KLHL32: variants seen among roughly 807,000 people sequenced by gnomAD.
The protein encoded by KLHL32 is kelch like family member 32, also known as kelch-like protein 32.
Under a neutral mutation model 64.8 loss-of-function variants are expected in KLHL32, and 35 were observed. The observed-to-expected ratio is 0.54, with a 90% CI of 0.41 to 0.72. The LOEUF is 0.72. Ranked by LOEUF, KLHL32 falls within the 30% of genes least tolerant of loss-of-function variation. The probability of loss-of-function intolerance (pLI) is 0.00; values close to 1 mark genes in which losing one functional copy is unlikely to be tolerated. For synonymous variants in KLHL32, 259 were observed against 281.0 expected, an observed-to-expected ratio of 0.92 and a Z score of 0.78; for missense variants, 589 against 768.5, an observed-to-expected ratio of 0.77 and a Z score of 2.76.
At chr6:97,026,771 T>G (rs906971321) in intron 3 of KLHL32, among the ~76,000 whole-genome samples, 8 of 152,164 alleles carry the variant, frequency 5.3e-5, no homozygotes, top group Non-Finnish European at 1.2e-4. Flanking sequence ...GAGCGATCAT[T>G]AGTTTACATT....
chr6:97,077,487 A>C (rs1791785110), intron 5 of KLHL32, among the ~76,000 whole-genome samples: 1 of 152,148 alleles, frequency 6.6e-6, no homozygotes, highest in African/African-American at 2.4e-5. Flanking sequence ...ATTCTGGGGA[A>C]AGGGGGAAAA....
intron 1 of KLHL32, among the ~76,000 whole-genome samples, chr6:96,960,060 C>G (rs546038219): frequency 6.6e-6 from 1 of 152,198 alleles, no homozygotes; most frequent in East Asian, 1.9e-4. Context: ...ATTCCTTGAC[C>G]TCATTATGCC....
Position 97,139,219 on chromosome 6 carries a change from ATATTTTACATGCCCT to A in KLHL32, c.1801_1815del (p.Tyr601_Pro605del). ...TAGCAGCATGCTTCCTTCCAGCTCCATATTTTACATGCCCTAACCTTCAAACTCTTCAAGTGCCTC... is the reference window on the plus strand; with the variant it reads ...TAGCAGCATGCTTCCTTCCAGCTCCAAACCTTCAAACTCTTCAAGTGCCTC... On this transcript the variant is annotated inframe_deletion, in exon 11 of 11. Coordinates refer to ENST00000369261, the MANE Select transcript of KLHL32 (RefSeq NM_052904.4). 1 of 1,614,074 alleles carries A rather than the reference ATATTTTACATGCCCT, an allele frequency of 6.2e-7. No individual in the cohort carries two copies. The highest frequency in any genetic ancestry group is 8.5e-7 in the Non-Finnish European group (1 of 1,179,962).
At chr6:97,083,484 A>C (rs1366180273) in intron 5 of KLHL32, among the ~76,000 whole-genome samples, 1 of 151,934 alleles carries the variant, frequency 6.6e-6, no homozygotes, top group Non-Finnish European at 1.5e-5. Context: ...ATTTGAGCCG[A>C]GTCTGCCTGC....
chr6:97,042,160 A>G (rs1785222460), intron 4 of KLHL32, among the ~76,000 whole-genome samples: 1 of 152,244 alleles, frequency 6.6e-6, no homozygotes. Flanking sequence ...AAATAAATCA[A>G]TTCAAATACA....
At chr6:97,133,434 C>A (rs1171467896) in intron 10 of KLHL32, among the ~76,000 whole-genome samples, 1 of 152,212 alleles carries the variant, frequency 6.6e-6, no homozygotes, top group Non-Finnish European at 1.5e-5. Context: ...CCTGACCTTT[C>A]TTCCTGACCT....
chr6:97,026,424 C>A (rs1782728690), intron 3 of KLHL32, among the ~76,000 whole-genome samples: 1 of 151,974 alleles, frequency 6.6e-6, no homozygotes, highest in Non-Finnish European at 1.5e-5. Context: ...TCTTCATATT[C>A]ATTGAGCTGA....
intron 3 of KLHL32, among the ~76,000 whole-genome samples, chr6:96,998,155 TG>T (rs1778620562): frequency 6.6e-6 from 1 of 152,216 alleles, no homozygotes; most frequent in Admixed American, 6.5e-5. Context: ...ATTATCCTTT[TG>T]CTTAAAAACT....
intron 5 of KLHL32, among the ~76,000 whole-genome samples, chr6:97,081,781 C>T (rs922989738): frequency 6.6e-6 from 1 of 152,200 alleles, no homozygotes; most frequent in African/African-American, 2.4e-5. Flanking sequence ...ATGGCCTTCT[C>T]TTCCAGTAGA....
chr6:96,938,630 TGCAGCAGCAGCAGCA>T (rs199671024), intron 1 of KLHL32, among the ~76,000 whole-genome samples: 1 of 151,850 alleles, frequency 6.6e-6, no homozygotes, highest in Non-Finnish European at 1.5e-5. Context: ...TCTCTCTTCC[TGCAGCAGCAGCAGCA>T]GCAGCAGGGG....
chr6:97,086,389 C>T (rs1413252166), intron 6 of KLHL32, among the ~76,000 whole-genome samples: 7 of 152,144 alleles, frequency 4.6e-5, no homozygotes, highest in Admixed American at 4.6e-4. Context: ...TCAGTAACTT[C>T]CCTCTTCATT....
In KLHL32 at chr6:97,139,347, G is replaced by GACTC; in HGVS notation, c.*67_*70dup. 1 of 1,350,668 alleles carries GACTC rather than the reference G, an allele frequency of 7.4e-7. No individual in the cohort carries two copies. Among genetic ancestry groups the GACTC allele is most frequent in the East Asian group, 2.4e-5 (1 of 41,958 alleles). The allele number at this position is 1,350,668 out of a possible 1,614,324, so 83.7% of individuals were successfully genotyped here. ...GACTGTTGGATACTGGGCATGAAAA[G>GACTC]ACTCAGTGCTCCATGCTTCCTTGTC... On this transcript the variant is annotated 3_prime_UTR_variant, in exon 11 of 11. Transcript: ENST00000369261.
chr6:97,048,269 G>A (rs1232143764), intron 4 of KLHL32, among the ~76,000 whole-genome samples: 1 of 152,200 alleles, frequency 6.6e-6, no homozygotes, highest in African/African-American at 2.4e-5. Context: ...GGCTTCTGAA[G>A]AAGGATGCCT....
intron 1 of KLHL32, among the ~76,000 whole-genome samples, chr6:96,947,196 A>T (rs528887983): frequency 6.6e-6 from 1 of 152,286 alleles, no homozygotes; most frequent in Non-Finnish European, 1.5e-5. Context: ...TCCACCAATC[A>T]TATCCAAATA....
At chr6:97,113,434 G>A (rs1797435993) in intron 6 of KLHL32, among the ~76,000 whole-genome samples, 1 of 152,100 alleles carries the variant, frequency 6.6e-6, no homozygotes, top group African/African-American at 2.4e-5. Context: ...GTGGTGGGGT[G>A]TACTGAGCCT....
chr6:96,976,206 A>C, intron 3 of KLHL32, 29 bp downstream of exon 3: 1 of 1,501,770 alleles, frequency 6.7e-7, no homozygotes, highest in Non-Finnish European at 9.0e-7. Context: ...TTTCTCGTAA[A>C]ATATTGATAA....
At chr6:96,980,168 T>C (rs1776146376) in intron 3 of KLHL32, among the ~76,000 whole-genome samples, 1 of 152,056 alleles carries the variant, frequency 6.6e-6, no homozygotes. Context: ...CTCTGTTTCC[T>C]GATCACTCTG....
At chr6:96,978,735 G>A (rs1404344835) in intron 3 of KLHL32, among the ~76,000 whole-genome samples, 1 of 152,222 alleles carries the variant, frequency 6.6e-6, no homozygotes, top group African/African-American at 2.4e-5. Flanking sequence ...TTTCCACAAT[G>A]ACTGAACTAA....
chr6:96,967,452 T>G (rs567631784), intron 2 of KLHL32, among the ~76,000 whole-genome samples: 6 of 151,724 alleles, frequency 4.0e-5, no homozygotes, highest in South Asian at 4.2e-4. Context: ...TGTGTATATA[T>G]AGAGAGATGT....
Sources: allele counts gnomAD v4.1 joint callset (sites outside exome capture counted in the v4.1 genomes callset), GRCh38; gene constraint gnomAD v4.1.1; transcripts MANE v1.5; gene names NCBI Gene and HGNC (gene_info 2026-07-23, HGNC 2026-07-21).